The following SLC23A1 variants were observed in gnomAD, a reference collection of about 807,000 sequenced individuals.
The protein encoded by SLC23A1 is Na(+)/L-ascorbic acid transporter 1.
SLC23A1 carries 31 observed loss-of-function variants against 62.5 expected under a neutral mutation model. The observed-to-expected ratio is 0.50, with a 90% CI of 0.37 to 0.67. SLC23A1 has a LOEUF of 0.67. Among genes scored for constraint, SLC23A1 ranks in the 30% least tolerant of loss-of-function variants. SLC23A1 has a pLI of 0.00. For synonymous variants in SLC23A1, 271 were observed against 313.2 expected (o/e 0.87, Z 1.42); for missense variants, 640 against 782.7 (o/e 0.82, Z 2.18).
At chr5:139,373,177 TG>T (rs975665799) in intron 13 of SLC23A1, among the ~76,000 whole-genome samples, 15 of 151,570 alleles carry the variant, frequency 9.9e-5, no homozygotes, top group African/African-American at 3.6e-4. Flanking sequence ...GTGTTTTTTT[TG>T]TTGTTGTTGT....
chr5:139,380,793 C>A lies in SLC23A1; in HGVS notation c.397+5G>T. 1 of 1,552,868 alleles carries A rather than the reference C, an allele frequency of 6.4e-7. No homozygotes were observed. The highest frequency in any genetic ancestry group is 1.2e-5 in the South Asian group (1 of 85,770). On this transcript the variant is annotated splice_donor_5th_base_variant and intron_variant, in intron 4 of 14. Transcript: ENST00000348729. ...CCCCAGTGCAGACCCCAGAAGTGTA[C>A]CCACCTTCCGGGGGGCATTTCCATC... is the stretch of plus-strand genomic sequence containing the variant.
intron 14 of SLC23A1, among the ~76,000 whole-genome samples, chr5:139,370,631 A>G (rs1452641213): frequency 6.6e-6 from 1 of 151,680 alleles, no homozygotes; most frequent in Non-Finnish European, 1.5e-5. Context: ...AGCTGGGATT[A>G]CAGGCGCCTA....
chr5:139,382,486 A>T lies in SLC23A1; in HGVS notation c.150+6T>A. 1 of 1,570,210 alleles carries T rather than the reference A, an allele frequency of 6.4e-7. No homozygotes were observed. Among genetic ancestry groups the T allele is most frequent in the Non-Finnish European group, 8.8e-7 (1 of 1,140,992 alleles). On this transcript the variant is annotated splice_donor_region_variant and intron_variant, in intron 2 of 14. Transcript: ENST00000348729. ...AGTGAGGGCGGGGAGGCCCTGGGGG[A>T]CCCACCTGGAAGCCCAGCAGGATGC...
intron 13 of SLC23A1, among the ~76,000 whole-genome samples, chr5:139,373,339 G>A (rs528442255): frequency 2.6e-5 from 4 of 152,048 alleles, no homozygotes; most frequent in South Asian, 2.1e-4. Context: ...CACCACGCCC[G>A]GCTAATTACT....
At chr5:139,380,466 T>C (rs932066086) in intron 5 of SLC23A1, 77 bp from the exon 6 acceptor site, 14 of 1,597,620 alleles carry the variant, frequency 8.8e-6, no homozygotes, top group Non-Finnish European at 1.2e-5. Context: ...ACAAAGCTCC[T>C]GGACCACCTC....
At chr5:139,375,768 GA>G (rs1757916360) in intron 13 of SLC23A1, among the ~76,000 whole-genome samples, 1 of 150,536 alleles carries the variant, frequency 6.6e-6, no homozygotes, top group Admixed American at 6.6e-5. Context: ...TCAGGAGGCG[GA>G]GGTGGCAGTG....
rs997433082 is a variant in SLC23A1 at position 139,379,924 on chromosome 5, G to A, written c.768+32C>T. ...CACCTCAGCCCAAGCCCTGGCCATA[G>A]TCCCAGCCCCAGCCGCCTGCCAGGT... On this transcript the variant is annotated intron_variant, in intron 7 of 14. Transcript: ENST00000348729. The surrounding 1 kb of genome is among the most constrained non-coding windows in gnomAD (Gnocchi z 4.7). 1.2e-6 allele frequency: 2 copies of A among 1,614,106 alleles called. No homozygotes were observed. Among genetic ancestry groups the A allele is most frequent in the Admixed American group, 3.3e-5 (2 of 60,028 alleles).
chr5:139,370,512 A>G (rs1246100038), intron 14 of SLC23A1, among the ~76,000 whole-genome samples: 1 of 107,480 alleles, frequency 9.3e-6, no homozygotes, highest in Admixed American at 1.0e-4. Context: ...ATTTATTTTC[A>G]AGACAGAGTC....
rs761357084 is a variant in SLC23A1, at chr5:139,372,238, C to T, written c.1565G>A (p.Arg522His). The T allele has an allele frequency of 2.3e-5, 37 of 1,613,682 alleles. No homozygotes were observed. Among genetic ancestry groups the T allele is most frequent in the South Asian group, 3.3e-5 (3 of 91,068 alleles). ...DNTVPGSPEE[R>H]GLIQWKAGAH... ...CCCAGCTTTCCACTGTATCAGACCA[C>T]GCTCCTCTGGGCTCCCTGGAAGAGG... The change falls in exon 14 of 15, where the codon CGT (arginine) becomes CAT (histidine). Residue 522 changes from arginine to histidine, a missense_variant. Coordinates refer to ENST00000348729, the MANE Select transcript of SLC23A1 (RefSeq NM_005847.5).
In SLC23A1 at chr5:139,367,692, TA is replaced by T. The variant is rs1251008590; in HGVS notation, c.*20-62del. 3.3e-5 allele frequency: 5 copies of T among 151,916 alleles called. No homozygotes were observed. In the East Asian group the frequency reaches 9.6e-4, roughly 29 times the overall value. 9.4% of individuals were successfully genotyped at this position (151,916 alleles called of 1,614,324 possible). ...AACTCCACATTTTTAGTGAGGATTCTAAAGTAAAATCAGCAATTCCCCAGTT... is the reference window on the plus strand; with the variant it reads ...AACTCCACATTTTTAGTGAGGATTCTAAGTAAAATCAGCAATTCCCCAGTT... On this transcript the variant is annotated intron_variant, in intron 14 of 14. Coordinates refer to ENST00000348729, the MANE Select transcript of SLC23A1 (RefSeq NM_005847.5).
At chr5:139,374,627 C>G (rs1319346686) in intron 13 of SLC23A1, among the ~76,000 whole-genome samples, 1 of 152,146 alleles carries the variant, frequency 6.6e-6, no homozygotes, top group Non-Finnish European at 1.5e-5. Flanking sequence ...TTAGGTTCCT[C>G]AGTGGATACT....
chr5:139,381,966 C>T lies in SLC23A1; in HGVS notation c.234G>A (p.Met78Ile). The change falls in exon 3 of 15, where the codon ATG (methionine) becomes ATA (isoleucine). Residue 78 changes from methionine (M) to isoleucine (I), a missense_variant. Transcript: ENST00000348729. ...AGATGGTGCCGATGAGCTGACTAAC[C>T]ATGTGCTGGTCGTGGCCCACACACA... The part of the protein sequence containing the change: ...EALCVGHDQH[M>I]VSQLIGTIFT... The T allele has an allele frequency of 6.3e-7, 1 of 1,596,838 alleles. No individual in the cohort carries two copies. Among genetic ancestry groups the T allele is most frequent in the Admixed American group, 1.7e-5 (1 of 57,196 alleles).
rs758843084 is a variant in SLC23A1, at chr5:139,378,024, C to T, written c.1404G>A (p.Gly468=). ...LFVLGFSMFF[G]LTLPNYLESN... is the part of the protein sequence containing the mutation. ...ACTCCAGGTAATTGGGCAGCGTGAGCCCGAAGAACATGGAAAATCCCAGCA... is the reference window on the plus strand; with the variant it reads ...ACTCCAGGTAATTGGGCAGCGTGAGTCCGAAGAACATGGAAAATCCCAGCA... Residue 468 remains glycine, a synonymous_variant, in exon 12 of 15, where the codon GGG becomes GGA. Coordinates refer to ENST00000348729, the MANE Select transcript of SLC23A1 (RefSeq NM_005847.5). This position sits in a 1 kb window ranked among gnomAD's most constrained non-coding sequence, Gnocchi z 4.5. 1 of 1,613,970 alleles carries T rather than the reference C, an allele frequency of 6.2e-7. No individual in the cohort carries two copies. The highest frequency in any genetic ancestry group is 1.7e-5 in the Admixed American group (1 of 59,970).
At chr5:139,383,349 T>C, upstream of SLC23A1, 1 of 1,554,000 alleles carries the variant, frequency 6.4e-7, no homozygotes, top group East Asian at 2.3e-5. Flanking sequence ...CAGGCATTGT[T>C]TGAAGTAAAT....
chr5:139,379,660 C>A lies in SLC23A1; in HGVS notation c.925+18G>T, dbSNP rs202146270. The A allele has an allele frequency of 3.8e-6, 6 of 1,598,228 alleles. No individual in the cohort carries two copies. The highest frequency in any genetic ancestry group is 1.7e-5 in the Admixed American group (1 of 57,540). On this transcript the variant is annotated intron_variant, in intron 8 of 14. Transcript: ENST00000348729. This position sits in a 1 kb window ranked among gnomAD's most constrained non-coding sequence, Gnocchi z 4.7. ...TGGTCTCAGTTGGGGGCAGAGGGGC[C>A]CAAGGGGTGTTGCTCACAGGGGTAG...
intron 3 of SLC23A1, among the ~76,000 whole-genome samples, chr5:139,381,562 G>A (rs1385472119): frequency 1.4e-5 from 2 of 141,502 alleles, no homozygotes; most frequent in East Asian, 4.1e-4. Context: ...GTGGTGAGCC[G>A]AGATCACGCC....
Position 139,371,885 on chromosome 5 carries a change from G to T in SLC23A1, c.*19+102C>A. On this transcript the variant is annotated intron_variant, in intron 14 of 14. Coordinates refer to ENST00000348729, the MANE Select transcript of SLC23A1 (RefSeq NM_005847.5). ...CCTTCTCTTTGAGGACATTCAAACA[G>T]TTTACAAGAAAGAGAACTGAGTAGT... 2.5e-5 allele frequency: 22 copies of T among 890,882 alleles called. No individual in the cohort carries two copies. In the South Asian group the frequency reaches 3.4e-4, roughly 14 times the overall value. The allele number at this position is 890,882 out of a possible 1,614,324, so 55.2% of individuals were successfully genotyped here.
Position 139,372,066 on chromosome 5 carries a change from A to C in SLC23A1, c.1737T>G (p.Ile579Met). Residue 579 changes from isoleucine to methionine, a missense_variant, in exon 14 of 15, where the codon ATT becomes ATG. Ile to Met is a conservative substitution (Grantham distance 10). Transcript: ENST00000348729. ...KGFSSSSKDQ[I>M]AIPEDTPENT... is the part of the protein sequence containing the mutation. ...TTTCTGGAGTGTCTTCTGGAATTGC[A>C]ATCTGATCTTTTGAACTTGAAGAAA... is the stretch of plus-strand genomic sequence containing the variant. 2.5e-6 allele frequency: 4 copies of C among 1,612,910 alleles called. No individual in the cohort carries two copies. Among genetic ancestry groups the C allele is most frequent in the Non-Finnish European group, 3.4e-6 (4 of 1,178,864 alleles).
At chr5:139,373,123 T>C (rs1757766780) in intron 13 of SLC23A1, among the ~76,000 whole-genome samples, 1 of 151,400 alleles carries the variant, frequency 6.6e-6, no homozygotes, top group Non-Finnish European at 1.5e-5. Context: ...CTAAATAAAA[T>C]CTTTGGAGGT....
Sources: gnomAD v4.1 joint callset for allele counts (sites outside exome capture counted in the v4.1 genomes callset) on GRCh38, gnomAD v4.1.1 for gene constraint, Gnocchi (gnomAD v3.1) non-coding constraint, MANE v1.5 for transcripts, NCBI Gene and HGNC (gene_info 2026-07-23, HGNC 2026-07-21) for gene names.